Variants in TGM3 observed in about 807,000 individuals in gnomAD.
The protein encoded by TGM3 is protein-glutamine gamma-glutamyltransferase E.
In TGM3, 52 loss-of-function variants were observed where a neutral mutation model predicts 73.8. The ratio of observed to expected loss-of-function variants is 0.70; its 90% CI spans 0.56 to 0.89. The LOEUF is 0.89. Among genes scored for constraint, TGM3 ranks in the 40% least tolerant of loss-of-function variants. The probability of loss-of-function intolerance (pLI) is 0.00; values close to 1 mark genes in which losing one functional copy is unlikely to be tolerated. For missense variants in TGM3, 928 were observed against 909.9 expected (o/e 1.02, Z -0.26); for synonymous variants, 372 against 354.9 (o/e 1.05, Z -0.54).
At position 2,310,173 on chromosome 20, in the gene TGM3, G is replaced by C. The variant is rs763439672; in HGVS notation, c.182-5G>C. The C allele has an allele frequency of 1.9e-6, 3 of 1,613,942 alleles. No homozygotes were observed. Among genetic ancestry groups the C allele is most frequent in the Non-Finnish European group, 2.5e-6 (3 of 1,179,950 alleles). ...GGTTTTCTCAACCTCTGTCTTCTTT[G>C]ACAGGGCCTTACCCCTCAGAGTCGG... On this transcript the variant is annotated splice_polypyrimidine_tract_variant and splice_region_variant and intron_variant, in intron 2 of 12. Transcript: ENST00000381458.
chr20:2,325,781 G>A (rs1330246434), intron 7 of TGM3, 68 bp from the exon 8 acceptor site: 2 of 1,110,300 alleles, frequency 1.8e-6, no homozygotes, highest in Admixed American at 4.0e-5. Context: ...GGGCAAAGAT[G>A]TGCTGTCTTG....
intron 7 of TGM3, among the ~76,000 whole-genome samples, chr20:2,322,824 A>G (rs1297521415): frequency 6.6e-6 from 1 of 152,258 alleles, no homozygotes. Flanking sequence ...TCCAACTTAC[A>G]TATATTTTCT....
At chr20:2,337,382 A>T (rs1168861300) in intron 11 of TGM3, among the ~76,000 whole-genome samples, 4 of 152,190 alleles carry the variant, frequency 2.6e-5, no homozygotes, top group Non-Finnish European at 2.9e-5. Context: ...CTGCCAGTTC[A>T]GTTATGAGAA....
At position 2,299,363 on chromosome 20, in the gene TGM3, C is replaced by T. The variant is rs1418548235; in HGVS notation, c.7+3293C>T. On this transcript the variant is annotated intron_variant, in intron 1 of 12. Transcript: ENST00000381458. Reference sequence around the variant, plus strand: ...CCTCAGCACAAGTCCTCCCCACTCCCGCTTCATCCATTCCCAAGTCCAAAG... The same window carrying T: ...CCTCAGCACAAGTCCTCCCCACTCCTGCTTCATCCATTCCCAAGTCCAAAG... Among the ~76,000 whole-genome samples, 3 of 152,204 alleles carry T rather than the reference C, an allele frequency of 2.0e-5. No individual in the cohort carries two copies. In the East Asian group the frequency reaches 5.8e-4, roughly 29 times the overall value.
chr20:2,322,270 T>C (rs1290346206), intron 7 of TGM3, among the ~76,000 whole-genome samples: 1 of 152,220 alleles, frequency 6.6e-6, no homozygotes, highest in Non-Finnish European at 1.5e-5. Context: ...TTGGTAGTTT[T>C]CCATTCATCT....
At chr20:2,309,177 C>G (rs558499185) in intron 1 of TGM3, among the ~76,000 whole-genome samples, 1 of 152,218 alleles carries the variant, frequency 6.6e-6, no homozygotes, top group Non-Finnish European at 1.5e-5. Flanking sequence ...CCACACCCGG[C>G]GCCTCCCTTC....
rs543329779 is a variant in TGM3, at chr20:2,332,620, C to T, written c.1642+310C>T. On this transcript the variant is annotated intron_variant, in intron 10 of 12. Coordinates refer to ENST00000381458, the MANE Select transcript of TGM3 (RefSeq NM_003245.4). The surrounding 1 kb of genome is among the most constrained non-coding windows in gnomAD (Gnocchi z 4.4). ...TATATACCACCTCACACAGTTTGAC[C>T]GTCTAAAAAAAGGCAGATTTTCAGT... is the stretch of plus-strand genomic sequence containing the variant. Among the ~76,000 whole-genome samples, 34 of 152,036 alleles carry T rather than the reference C, an allele frequency of 2.2e-4. No individual in the cohort carries two copies. Among genetic ancestry groups the T allele is most frequent in the Non-Finnish European group, 4.4e-4 (30 of 68,004 alleles).
intron 6 of TGM3, 35 bp downstream of exon 6, chr20:2,317,280 TG>T (rs763093832): frequency 6.2e-7 from 1 of 1,613,700 alleles, no homozygotes; most frequent in South Asian, 1.1e-5. Flanking sequence ...GCTGGGTCAG[TG>T]GGTGGCAGTG....
chr20:2,303,691 A>G (rs2084163822), intron 1 of TGM3, among the ~76,000 whole-genome samples: 1 of 152,078 alleles, frequency 6.6e-6, no homozygotes, highest in Non-Finnish European at 1.5e-5. Context: ...GCCTGCACAT[A>G]TGGGGGATTT....
intron 12 of TGM3, 53 bp downstream of exon 12, chr20:2,340,040 G>GGC: frequency 8.5e-6 from 8 of 944,842 alleles, no homozygotes; most frequent in Non-Finnish European, 1.1e-5. Flanking sequence ...GGGCGGGGGG[G>GGC]CCCTCCAGAT....
chr20:2,328,221 C>T lies in TGM3; in HGVS notation c.1189C>T (p.Arg397Cys), dbSNP rs557862374. The change falls in exon 9 of 13, where the codon CGC becomes TGC. Residue 397 changes from arginine (R) to cysteine (C), a missense_variant. Transcript: ENST00000381458. The surrounding 1 kb of genome is among the most constrained non-coding windows in gnomAD (Gnocchi z 5.2). ...TATCTTCGCGGAGGTTAATGCCGAC[C>T]GCATCACCTGGCTGTACGACAACAC... ...PFIFAEVNAD[R>C]ITWLYDNTTG... is the part of the protein sequence containing the mutation. 3.2e-5 allele frequency: 52 copies of T among 1,614,112 alleles called. No individual in the cohort carries two copies. In the South Asian group the frequency reaches 5.1e-4, roughly 16 times the overall value.
At chr20:2,307,777 A>C (rs6048053) in intron 1 of TGM3, among the ~76,000 whole-genome samples, 5 of 152,088 alleles carry the variant, frequency 3.3e-5, no homozygotes, top group Admixed American at 3.3e-4. Context: ...CTTCATATTC[A>C]CTTTTCCTTG....
Position 2,328,442 on chromosome 20 carries a change from A to T in TGM3, c.1333+77A>T. The T allele has an allele frequency of 6.3e-7, 1 of 1,577,076 alleles. No homozygotes were observed. The highest frequency in any genetic ancestry group is 8.6e-7 in the Non-Finnish European group (1 of 1,159,982). ...ATGGCTCTGAGGCTGGAGAGGAGAA[A>T]AGTCCTCACCTCCCCCGCACTGGCA... On this transcript the variant is annotated intron_variant, in intron 9 of 12. Transcript: ENST00000381458. This position sits in a 1 kb window ranked among gnomAD's most constrained non-coding sequence, Gnocchi z 5.2.
chr20:2,322,254 C>A (rs2122234069), intron 7 of TGM3, among the ~76,000 whole-genome samples: 1 of 152,254 alleles, frequency 6.6e-6, no homozygotes, highest in South Asian at 2.1e-4. Context: ...CACATATCTT[C>A]AACACTTGGT....
At chr20:2,302,372 AG>A (rs2084152923) in intron 1 of TGM3, among the ~76,000 whole-genome samples, 1 of 152,240 alleles carries the variant, frequency 6.6e-6, no homozygotes, top group African/African-American at 2.4e-5. Context: ...ATAAATGGGC[AG>A]GGGTTATATT....
In TGM3 at chr20:2,309,653, A is replaced by G; in HGVS notation, c.8-4A>G. 2 of 1,613,466 alleles carry G rather than the reference A, an allele frequency of 1.2e-6. No homozygotes were observed. The highest frequency in any genetic ancestry group is 4.5e-5 in the East Asian group (2 of 44,868). On this transcript the variant is annotated splice_polypyrimidine_tract_variant and splice_region_variant and intron_variant, in intron 1 of 12. Coordinates refer to ENST00000381458, the MANE Select transcript of TGM3 (RefSeq NM_003245.4). ...GACTTCAGGTTCTCCTTTCTGCCTC[A>G]CAGCTCTAGGAGTCCAGAGTATCAA...
intron 2 of TGM3, 80 bp from the exon 3 acceptor site, chr20:2,310,098 G>T: frequency 6.3e-7 from 1 of 1,577,190 alleles, no homozygotes; most frequent in Non-Finnish European, 8.6e-7. Context: ...GTCCCCCAGA[G>T]GGGGGTTGTA....
intron 1 of TGM3, among the ~76,000 whole-genome samples, chr20:2,299,770 C>T (rs561415806): frequency 4.0e-4 from 61 of 152,306 alleles, no homozygotes; most frequent in African/African-American, 1.4e-3. Context: ...AGGTCTCAGT[C>T]CCTGCTGCAC....
rs1600705051 is a variant in TGM3 at position 2,328,315 on chromosome 20, T to G, written c.1283T>G (p.Val428Gly). The G allele has an allele frequency of 6.2e-7, 1 of 1,613,992 alleles. No individual in the cohort carries two copies. Among genetic ancestry groups the G allele is most frequent in the Non-Finnish European group, 8.5e-7 (1 of 1,179,994 alleles). Residue 428 changes from valine to glycine, a missense_variant, in exon 9 of 13, where the codon GTG (valine) becomes GGG (glycine). Coordinates refer to ENST00000381458, the MANE Select transcript of TGM3 (RefSeq NM_003245.4). The surrounding 1 kb of genome is among the most constrained non-coding windows in gnomAD (Gnocchi z 5.2). ...TIGRYISTKA[V>G]GSNARMDVTD... ...GGCAGGTACATCAGCACCAAGGCGGTGGGCAGCAATGCTCGCATGGACGTC... is the reference window on the plus strand; with the variant it reads ...GGCAGGTACATCAGCACCAAGGCGGGGGGCAGCAATGCTCGCATGGACGTC...
Sources: allele counts gnomAD v4.1 joint callset (sites outside exome capture counted in the v4.1 genomes callset), GRCh38; gene constraint gnomAD v4.1.1; non-coding constraint Gnocchi (gnomAD v3.1); transcripts MANE v1.5; gene names NCBI Gene and HGNC (gene_info 2026-07-23, HGNC 2026-07-21).